The following ERBB4 variants were observed in gnomAD, a reference collection of about 807,000 sequenced individuals.
ERBB4 encodes erb-b2 receptor tyrosine kinase 4.
Under a neutral mutation model 158.0 loss-of-function variants are expected in ERBB4, and 42 were observed. That is an observed-to-expected ratio of 0.27 (90% CI 0.21 to 0.34). The LOEUF is 0.34. Ranked by LOEUF, ERBB4 falls within the 10% of genes least tolerant of loss-of-function variation. ERBB4 has a pLI of 1.00. For synonymous variants in ERBB4, 583 were observed against 558.7 expected (o/e 1.04, Z -0.61); for missense variants, 1,333 against 1,624.1 (o/e 0.82, Z 3.08).
At chr2:211,413,719 T>C (rs562778098) in intron 25 of ERBB4, among the ~76,000 whole-genome samples, 11 of 152,006 alleles carry the variant, frequency 7.2e-5, no homozygotes, top group African/African-American at 2.7e-4. Flanking sequence ...ATAGAGGCGA[T>C]GCAGGATTTT....
chr2:212,475,328 G>A (rs995776715), intron 1 of ERBB4, among the ~76,000 whole-genome samples: 1 of 152,096 alleles, frequency 6.6e-6, no homozygotes, highest in Non-Finnish European at 1.5e-5. Context: ...TCTTGCACGA[G>A]GCCCTGCAAA....
At chr2:212,020,970 G>A (rs182255244) in intron 2 of ERBB4, among the ~76,000 whole-genome samples, 2 of 151,978 alleles carry the variant, frequency 1.3e-5, no homozygotes, top group Admixed American at 1.3e-4. Context: ...GGTAAGAAGA[G>A]GTAATCATAA....
At chr2:211,736,415 T>G (rs2074603071) in intron 5 of ERBB4, among the ~76,000 whole-genome samples, 1 of 152,174 alleles carries the variant, frequency 6.6e-6, no homozygotes, top group Non-Finnish European at 1.5e-5. Flanking sequence ...TCAATAAAAA[T>G]GTATTGTTGG....
intron 3 of ERBB4, among the ~76,000 whole-genome samples, chr2:211,825,771 A>C (rs987426939): frequency 6.8e-6 from 1 of 147,566 alleles, no homozygotes; most frequent in Non-Finnish European, 1.5e-5. Flanking sequence ...TATATATATT[A>C]TATATTATTA....
chr2:211,537,966 G>A (rs185942485), intron 20 of ERBB4, among the ~76,000 whole-genome samples: 2 of 151,866 alleles, frequency 1.3e-5, no homozygotes, highest in East Asian at 3.9e-4. Context: ...TAACCATCAT[G>A]TTCAAAATAT....
intron 1 of ERBB4, among the ~76,000 whole-genome samples, chr2:212,270,427 G>A (rs376775409): frequency 2.6e-5 from 4 of 151,530 alleles, no homozygotes; most frequent in South Asian, 2.1e-4. Flanking sequence ...TGAACATATC[G>A]TTTTTACCTC....
chr2:211,701,778 A>G (rs1401560275), intron 12 of ERBB4, among the ~76,000 whole-genome samples, 189 bp downstream of exon 12: 2 of 150,726 alleles, frequency 1.3e-5, no homozygotes, highest in Non-Finnish European at 3.0e-5. Flanking sequence ...AAAAAAAAAA[A>G]AAAAAAGAAA....
chr2:212,366,511 G>A (rs1268367407), intron 1 of ERBB4, among the ~76,000 whole-genome samples: 1 of 151,906 alleles, frequency 6.6e-6, no homozygotes, highest in Non-Finnish European at 1.5e-5. Flanking sequence ...TGAATTCAGG[G>A]AGATCTATGG....
At chr2:212,477,763 G>C (rs1560435636) in intron 1 of ERBB4, among the ~76,000 whole-genome samples, 1 of 152,092 alleles carries the variant, frequency 6.6e-6, no homozygotes, top group Non-Finnish European at 1.5e-5. Flanking sequence ...TCAGCACAGT[G>C]AGGACTAGGC....
rs149276491 is a variant in ERBB4 at position 211,511,995 on chromosome 2, T to C, written c.2487+49908A>G. ...GTATACCAGAGGGTACTCATAACTA[T>C]TGGGTGGACAGGAAGAAGATTCACA... On this transcript the variant is annotated intron_variant, in intron 20 of 27. Transcript: ENST00000342788. 3.3e-5 allele frequency among the ~76,000 whole-genome samples: 5 copies of C among 152,220 alleles called. No homozygotes were observed. In the East Asian group the frequency reaches 5.8e-4, roughly 18 times the overall value.
intron 21 of ERBB4, among the ~76,000 whole-genome samples, chr2:211,429,018 A>ATT (rs111719494): frequency 0.017 from 2,519 of 151,870 alleles, 74 homozygotes; most frequent in African/African-American, 0.058. Context: ...GGTCATACTT[A>ATT]TTTTTTTAAA....
At chr2:212,281,010 A>T (rs768959324) in intron 1 of ERBB4, among the ~76,000 whole-genome samples, 54 of 151,730 alleles carry the variant, frequency 3.6e-4, no homozygotes, top group Non-Finnish European at 7.4e-4. Context: ...GGAAAAAGAT[A>T]AGAAAATTTT....
chr2:211,442,221 C>T (rs929603026), intron 20 of ERBB4, among the ~76,000 whole-genome samples: 3 of 152,174 alleles, frequency 2.0e-5, no homozygotes, highest in African/African-American at 7.2e-5. Context: ...CCATACACTG[C>T]CACACTCTTC....
At chr2:211,529,406 C>G (rs2066435973) in intron 20 of ERBB4, among the ~76,000 whole-genome samples, 1 of 152,034 alleles carries the variant, frequency 6.6e-6, no homozygotes, top group Non-Finnish European at 1.5e-5. Flanking sequence ...GGCTTCACTG[C>G]TGAACTCTAC....
At chr2:212,268,713 G>T (rs1369182290) in intron 1 of ERBB4, among the ~76,000 whole-genome samples, 1 of 151,790 alleles carries the variant, frequency 6.6e-6, no homozygotes, top group African/African-American at 2.4e-5. Flanking sequence ...AATGATTGGG[G>T]CTGTTTTCCA....
At chr2:212,015,071 T>A (rs1419485594) in intron 2 of ERBB4, among the ~76,000 whole-genome samples, 66 of 802 alleles carry the variant, frequency 0.082, 20 homozygotes, top group Non-Finnish European at 0.42. Flanking sequence ...TATATATATA[T>A]ATATATATAT....
intron 1 of ERBB4, among the ~76,000 whole-genome samples, chr2:212,334,943 T>A (rs1350607454): frequency 6.6e-6 from 1 of 151,954 alleles, no homozygotes; most frequent in Non-Finnish European, 1.5e-5. Context: ...AAACAGTTCC[T>A]AAGTAGATCA....
intron 1 of ERBB4, among the ~76,000 whole-genome samples, chr2:212,487,210 A>T (rs1216091963): frequency 2.0e-5 from 3 of 152,178 alleles, no homozygotes; most frequent in Non-Finnish European, 4.4e-5. Flanking sequence ...AAGGGATTGT[A>T]ACAGCATTAA....
At chr2:212,134,299 T>C (rs2080200615) in intron 1 of ERBB4, among the ~76,000 whole-genome samples, 1 of 152,128 alleles carries the variant, frequency 6.6e-6, no homozygotes, top group African/African-American at 2.4e-5. Flanking sequence ...ACTCTATTAG[T>C]ATAATTCTGG....
Sources: gnomAD v4.1 joint callset for allele counts (sites outside exome capture counted in the v4.1 genomes callset) on GRCh38, gnomAD v4.1.1 for gene constraint, MANE v1.5 for transcripts, NCBI Gene and HGNC (gene_info 2026-07-23, HGNC 2026-07-21) for gene names.